Variants in DNAH8 observed in about 807,000 individuals in gnomAD.
DNAH8 encodes the protein dynein axonemal heavy chain 8.
A neutral mutation model predicts 562.1 loss-of-function variants in DNAH8; 382 were observed. The observed-to-expected ratio is 0.68, with a 90% CI of 0.63 to 0.74. The LOEUF is 0.74. DNAH8 is among the 30% of genes least tolerant of loss of function. DNAH8 has a pLI of 0.00. For missense variants in DNAH8, 5,203 were observed against 5,620.4 expected, an observed-to-expected ratio of 0.93 and a Z score of 2.37; for synonymous variants, 1,881 against 1,919.4, an observed-to-expected ratio of 0.98 and a Z score of 0.52.
At chr6:38,906,477 C>G in intron 63 of DNAH8, 70 bp downstream of exon 63, 4 of 1,247,752 alleles carry the variant, frequency 3.2e-6, no homozygotes, top group Non-Finnish European at 4.3e-6. Context: ...GAAAAAGCAG[C>G]AACCTTTCAA....
At chr6:38,996,417 A>G (rs183927089) in intron 88 of DNAH8, among the ~76,000 whole-genome samples, 62 of 152,246 alleles carry the variant, frequency 4.1e-4, no homozygotes, top group African/African-American at 1.2e-3. Context: ...TACAATTTCT[A>G]TGTGACATCC....
At chr6:38,970,260 A>G (rs1763244709) in intron 82 of DNAH8, among the ~76,000 whole-genome samples, 2 of 152,130 alleles carry the variant, frequency 1.3e-5, no homozygotes, top group Non-Finnish European at 2.9e-5. Context: ...TTCTTCCGAA[A>G]TAAGTGGGGC....
At chr6:38,896,701 G>A (rs1779721027) in intron 60 of DNAH8, among the ~76,000 whole-genome samples, 1 of 152,086 alleles carries the variant, frequency 6.6e-6, no homozygotes, top group Non-Finnish European at 1.5e-5. Flanking sequence ...CCAAGGGTTG[G>A]CAAATTATAG....
At chr6:38,800,052 G>A (rs899656566) in intron 21 of DNAH8, among the ~76,000 whole-genome samples, 10 of 152,122 alleles carry the variant, frequency 6.6e-5, no homozygotes, top group Admixed American at 2.0e-4. Context: ...AGGCTCAAGC[G>A]ATTCCCCTGT....
At chr6:39,028,654 A>G (rs1427577583) in intron 92 of DNAH8, among the ~76,000 whole-genome samples, 1 of 152,196 alleles carries the variant, frequency 6.6e-6, no homozygotes. Flanking sequence ...TTTGGGTGAC[A>G]CTATTCTATC....
At chr6:38,736,957 T>G in intron 5 of DNAH8, 110 bp from the exon 6 acceptor site, 3 of 733,612 alleles carry the variant, frequency 4.1e-6, no homozygotes, top group South Asian at 4.5e-5. Flanking sequence ...CCTAATAGTT[T>G]ATAAAATGTA....
At chr6:38,945,152 G>T (rs973284815) in intron 79 of DNAH8, among the ~76,000 whole-genome samples, 34 of 152,170 alleles carry the variant, frequency 2.2e-4, no homozygotes, top group African/African-American at 7.5e-4. Flanking sequence ...CATATTCATT[G>T]ATATCAAAAT....
At position 38,805,604 on chromosome 6, in the gene DNAH8, T is replaced by A; in HGVS notation, c.3150+8T>A. 1 of 1,433,472 alleles carries A rather than the reference T, an allele frequency of 7.0e-7. No individual in the cohort carries two copies. The allele number at this position is 1,433,472 out of a possible 1,614,324, so 88.8% of individuals were successfully genotyped here. On this transcript the variant is annotated splice_region_variant and intron_variant, in intron 23 of 92. Transcript: ENST00000327475. ...GAAGATGAATTTAAAAAGGTATTTA[T>A]TGTGGAACAACTTCATGCAATTCAC... is the stretch of plus-strand genomic sequence containing the variant.
At chr6:38,754,711 C>T (rs9394532) in intron 9 of DNAH8, among the ~76,000 whole-genome samples, 12,896 of 152,144 alleles carry the variant, frequency 0.085, 1,095 homozygotes, top group East Asian at 0.44. Context: ...TAACTTACAG[C>T]TGTTGGATCT....
intron 9 of DNAH8, 47 bp downstream of exon 9, chr6:38,750,636 G>C: frequency 8.4e-7 from 1 of 1,195,212 alleles, no homozygotes; most frequent in East Asian, 2.4e-5. Flanking sequence ...GCAGTGGCTC[G>C]CATCTGTGAT....
At chr6:38,929,439 ATC>A in intron 74 of DNAH8, 70 bp from the exon 75 acceptor site, 1 of 1,399,870 alleles carries the variant, frequency 7.1e-7, no homozygotes, top group Non-Finnish European at 9.4e-7. Context: ...TGTCCAACAA[ATC>A]TCTCGGTTTC....
At chr6:38,969,180 A>T (rs9462468) in intron 82 of DNAH8, among the ~76,000 whole-genome samples, 1 of 152,074 alleles carries the variant, frequency 6.6e-6, no homozygotes, top group South Asian at 2.1e-4. Context: ...CTGGAATTAG[A>T]TGATTTGATA....
intron 53 of DNAH8, among the ~76,000 whole-genome samples, chr6:38,881,553 T>TG (rs921967300): frequency 2.8e-4 from 23 of 81,294 alleles, no homozygotes; most frequent in African/African-American, 9.0e-4. Context: ...ATCAATGTTT[T>TG]TTTTTTTTTT....
At chr6:38,948,368 G>A (rs944326423) in intron 80 of DNAH8, among the ~76,000 whole-genome samples, 6 of 151,314 alleles carry the variant, frequency 4.0e-5, no homozygotes, top group East Asian at 2.0e-4. Flanking sequence ...GGGGAGTTTC[G>A]CTCTTGTTGC....
chr6:38,765,651 A>G (rs974941501), intron 11 of DNAH8, among the ~76,000 whole-genome samples: 1 of 152,204 alleles, frequency 6.6e-6, no homozygotes, highest in East Asian at 1.9e-4. Context: ...TCATTGGTCT[A>G]TGTGTCTGTT....
At position 38,886,974 on chromosome 6, in the gene DNAH8, C is replaced by G. The variant is rs771294349; in HGVS notation, c.8443C>G (p.Pro2815Ala). 6.2e-7 allele frequency: 1 copy of G among 1,613,202 alleles called. No individual in the cohort carries two copies. The highest frequency in any genetic ancestry group is 8.5e-7 in the Non-Finnish European group (1 of 1,179,400). The change falls in exon 57 of 93, where the codon CCT becomes GCT. Residue 2815 changes from proline to alanine, a missense_variant. Around this residue, in one of 6 missense-constraint regions of DNAH8, gnomAD observed 977 missense variants for 1,061.8 expected, o/e 0.92. Transcript: ENST00000327475. The stretch of plus-strand genomic sequence containing the variant: ...ATTTACTGTGTTTAATTGTACATTG[C>G]CTTCAAATGCTTCAATAGACAAAAT... Reference protein sequence around the residue: ...RQFTVFNCTLPSNASIDKIFG... With the variant: ...RQFTVFNCTLASNASIDKIFG...
chr6:38,791,439 T>G (rs1018761671), intron 20 of DNAH8, 116 bp from the exon 21 acceptor site: 1 of 1,247,144 alleles, frequency 8.0e-7, no homozygotes, highest in Non-Finnish European at 1.1e-6. Context: ...TGGCTCAAGA[T>G]GCAAGTTTCT....
intron 18 of DNAH8, 48 bp downstream of exon 18, chr6:38,787,000 A>C: frequency 8.2e-7 from 1 of 1,221,932 alleles, no homozygotes; most frequent in East Asian, 2.8e-5. Flanking sequence ...GTTTTTTGGT[A>C]AAAAAAATAT....
intron 82 of DNAH8, among the ~76,000 whole-genome samples, chr6:38,965,921 C>T (rs1339505983): frequency 2.6e-5 from 4 of 151,926 alleles, no homozygotes; most frequent in African/African-American, 9.7e-5. Flanking sequence ...AGAAAGATTA[C>T]AAATTAATAA....
Sources: gnomAD v4.1 joint callset for allele counts (sites outside exome capture counted in the v4.1 genomes callset) on GRCh38, gnomAD v4.1.1 for gene constraint, gnomAD v4.1.1 regional missense constraint, MANE v1.5 for transcripts, NCBI Gene and HGNC (gene_info 2026-07-23, HGNC 2026-07-21) for gene names.